AP3B1: variants seen among roughly 807,000 people sequenced by gnomAD.
AP3B1 encodes the protein adaptor related protein complex 3 subunit beta 1.
A neutral mutation model predicts 132.5 loss-of-function variants in AP3B1; 61 were observed. The ratio of observed to expected loss-of-function variants is 0.46; its 90% CI spans 0.37 to 0.57. AP3B1 has a LOEUF of 0.57. AP3B1 is among the 20% of genes least tolerant of loss of function. The pLI, the probability that AP3B1 is intolerant of heterozygous loss-of-function variation, is 0.00. For missense variants in AP3B1, 1,120 were observed against 1,289.4 expected, an observed-to-expected ratio of 0.87 and a Z score of 2.01; for synonymous variants, 388 against 438.3, an observed-to-expected ratio of 0.89 and a Z score of 1.43.
At chr5:78,172,706 G>A (rs922116269) in intron 11 of AP3B1, among the ~76,000 whole-genome samples, 5 of 152,010 alleles carry the variant, frequency 3.3e-5, no homozygotes, top group Admixed American at 1.3e-4. Context: ...TTGATTTTTC[G>A]AAGGGTTTTT....
rs189377844 is a variant in AP3B1, at chr5:78,285,118, G to A, written c.128+9334C>T. ...AAAAAAATTAGCTGGGCGTGGTGGA[G>A]GGCGCCTGTAGTCCCAGCTACTCGG... On this transcript the variant is annotated intron_variant, in intron 1 of 26. Transcript: ENST00000255194. 5.0e-3 allele frequency among the ~76,000 whole-genome samples: 738 copies of A among 148,694 alleles called. 4 individuals are homozygous for A. Among genetic ancestry groups the A allele is most frequent in the African/African-American group, 0.017 (683 of 41,330 alleles).
chr5:78,252,299 G>A (rs1747671300), intron 2 of AP3B1, among the ~76,000 whole-genome samples: 1 of 152,124 alleles, frequency 6.6e-6, no homozygotes, highest in African/African-American at 2.4e-5. Context: ...CTTGAGAACA[G>A]CAGGGGGGAA....
intron 22 of AP3B1, chr5:78,044,211 C>T (rs1041979826): frequency 1.1e-5 from 2 of 190,082 alleles, no homozygotes; most frequent in Non-Finnish European, 2.2e-5. Context: ...GGCACCAAGG[C>T]TGTACTGGGA....
At chr5:78,004,937 T>A (rs769839168) in intron 26 of AP3B1, among the ~76,000 whole-genome samples, 2 of 152,200 alleles carry the variant, frequency 1.3e-5, no homozygotes, top group Non-Finnish European at 2.9e-5. Context: ...CTCAATTTCA[T>A]CTTTGAGAAA....
At chr5:78,011,247 T>C in intron 26 of AP3B1, among the ~76,000 whole-genome samples, 1 of 151,980 alleles carries the variant, frequency 6.6e-6, no homozygotes, top group Non-Finnish European at 1.5e-5. Flanking sequence ...GGTTTCACCA[T>C]GTTGGCCAGG....
intron 7 of AP3B1, among the ~76,000 whole-genome samples, chr5:78,193,770 A>ATATATATATATATATTTTTTT: frequency 4.3e-4 from 29 of 67,192 alleles, no homozygotes; most frequent in East Asian, 1.7e-3. Flanking sequence ...ATATATATAT[A>ATATATATATATATATTTTTTT]TTTTTTTTTT....
At chr5:78,065,592 C>T (rs1749255643) in intron 22 of AP3B1, among the ~76,000 whole-genome samples, 1 of 152,166 alleles carries the variant, frequency 6.6e-6, no homozygotes, top group African/African-American at 2.4e-5. Context: ...CCCATTCCTC[C>T]TCACTGAGCT....
chr5:78,247,258 T>C (rs1747415904), intron 2 of AP3B1, among the ~76,000 whole-genome samples: 1 of 149,004 alleles, frequency 6.7e-6, no homozygotes, highest in South Asian at 2.1e-4. Flanking sequence ...ATCTTGCTAA[T>C]ATAGATAATA....
intron 7 of AP3B1, among the ~76,000 whole-genome samples, chr5:78,195,526 C>CG (rs1554075004): frequency 6.6e-6 from 1 of 152,028 alleles, no homozygotes; most frequent in Non-Finnish European, 1.5e-5. Flanking sequence ...CTGGAACAAA[C>CG]GAAGAGTCAC....
intron 7 of AP3B1, among the ~76,000 whole-genome samples, chr5:78,190,777 C>T (rs79126059): frequency 0.1 from 15,551 of 152,216 alleles, 1,507 homozygotes; most frequent in African/African-American, 0.25. Flanking sequence ...AGTACACAAA[C>T]AGTAGCTATT....
chr5:78,001,899 T>G (rs896428891), downstream of AP3B1: 2 of 152,204 alleles, frequency 1.3e-5, no homozygotes, highest in Non-Finnish European at 2.9e-5. Context: ...TAACTTAAGG[T>G]AGCAAATAAA....
chr5:78,066,802 A>G (rs1191967993), intron 22 of AP3B1, among the ~76,000 whole-genome samples: 1 of 152,258 alleles, frequency 6.6e-6, no homozygotes, highest in Non-Finnish European at 1.5e-5. Flanking sequence ...ATGCAAATTC[A>G]GAAAATCCAG....
At chr5:78,016,324 C>T (rs1746853184) in intron 25 of AP3B1, among the ~76,000 whole-genome samples, 2 of 151,796 alleles carry the variant, frequency 1.3e-5, no homozygotes, top group African/African-American at 4.8e-5. Flanking sequence ...CATTAATATC[C>T]AGACCTCCTG....
chr5:78,231,981 A>G (rs1367465575), intron 3 of AP3B1, among the ~76,000 whole-genome samples: 4 of 152,208 alleles, frequency 2.6e-5, no homozygotes, highest in Admixed American at 6.5e-5. Context: ...CTATACAATA[A>G]AATGTTAATA....
intron 22 of AP3B1, among the ~76,000 whole-genome samples, chr5:78,066,696 G>C (rs1181687016): frequency 6.6e-6 from 1 of 151,976 alleles, no homozygotes; most frequent in Non-Finnish European, 1.5e-5. Context: ...GAATGATTGG[G>C]GTACCTAAAA....
intron 20 of AP3B1, among the ~76,000 whole-genome samples, chr5:78,106,049 T>C (rs1751319048): frequency 6.6e-6 from 1 of 152,166 alleles, no homozygotes; most frequent in South Asian, 2.1e-4. Context: ...GAGGCCACTT[T>C]CTCCCTAGCT....
At chr5:78,084,564 A>T (rs1332645761) in intron 22 of AP3B1, among the ~76,000 whole-genome samples, 1 of 150,176 alleles carries the variant, frequency 6.7e-6, no homozygotes, top group Admixed American at 6.6e-5. Context: ...AGAGAAAAGG[A>T]AGAGGAAAAG....
At chr5:78,218,524 A>G (rs989295770) in intron 6 of AP3B1, among the ~76,000 whole-genome samples, 1 of 152,112 alleles carries the variant, frequency 6.6e-6, no homozygotes, top group Non-Finnish European at 1.5e-5. Flanking sequence ...CTGTGCTCCA[A>G]GGTAAACTAC....
intron 26 of AP3B1, among the ~76,000 whole-genome samples, chr5:78,013,960 G>A (rs969509507): frequency 6.6e-6 from 1 of 152,082 alleles, no homozygotes; most frequent in Non-Finnish European, 1.5e-5. Context: ...TCAGGAGATC[G>A]AGACCATCCT....
Sources: allele counts gnomAD v4.1 joint callset (sites outside exome capture counted in the v4.1 genomes callset), GRCh38; gene constraint gnomAD v4.1.1; transcripts MANE v1.5; gene names NCBI Gene and HGNC (gene_info 2026-07-23, HGNC 2026-07-21).